ERC2: variants seen among roughly 807,000 people sequenced by gnomAD.
ERC2 encodes ELKS/RAB6-interacting/CAST family member 2.
ERC2 carries 42 observed loss-of-function variants against 114.8 expected under a neutral mutation model. That is an observed-to-expected ratio of 0.37 (90% CI 0.29 to 0.47). ERC2 has a LOEUF of 0.47. ERC2 is among the 20% of genes least tolerant of loss of function. ERC2 has a pLI of 0.99. For synonymous variants in ERC2, 454 were observed against 425.5 expected (o/e 1.07, Z -0.82); for missense variants, 939 against 1,150.7 (o/e 0.82, Z 2.66).
intron 2 of ERC2, among the ~76,000 whole-genome samples, chr3:56,337,725 GC>G (rs2057916349): frequency 6.6e-6 from 1 of 152,130 alleles, no homozygotes; most frequent in Non-Finnish European, 1.5e-5. Flanking sequence ...CCTACCCACT[GC>G]CCCAGTACTT....
At chr3:56,020,992 C>T (rs957462921) in intron 7 of ERC2, among the ~76,000 whole-genome samples, 2 of 152,088 alleles carry the variant, frequency 1.3e-5, no homozygotes, top group South Asian at 2.1e-4. Flanking sequence ...TGGAGACATG[C>T]GATCTGTTTA....
chr3:56,205,667 G>T (rs1323631556), intron 3 of ERC2, among the ~76,000 whole-genome samples: 1 of 152,152 alleles, frequency 6.6e-6, no homozygotes, highest in Non-Finnish European at 1.5e-5. Flanking sequence ...CACAAAACCA[G>T]ATGCAACAGA....
intron 3 of ERC2, among the ~76,000 whole-genome samples, chr3:56,209,636 T>C (rs968133388): frequency 2.0e-5 from 3 of 152,168 alleles, no homozygotes; most frequent in East Asian, 1.9e-4. Context: ...AGGAAGAGCA[T>C]TGGGTCTTGC....
chr3:55,834,143 T>A (rs1393286086), intron 14 of ERC2, among the ~76,000 whole-genome samples: 1 of 151,944 alleles, frequency 6.6e-6, no homozygotes, highest in Non-Finnish European at 1.5e-5. Flanking sequence ...AGACTTAGAC[T>A]CCCACACATT....
intron 5 of ERC2, among the ~76,000 whole-genome samples, chr3:56,140,730 A>G (rs2080807201): frequency 2.0e-5 from 3 of 152,302 alleles, no homozygotes; most frequent in African/African-American, 7.2e-5. Context: ...TTCATCTTCA[A>G]TTTCACTAGA....
chr3:55,638,893 G>T (rs2060062777), intron 17 of ERC2, among the ~76,000 whole-genome samples: 1 of 152,148 alleles, frequency 6.6e-6, no homozygotes, highest in Non-Finnish European at 1.5e-5. Flanking sequence ...TTCACAGAAT[G>T]ACCTCCATCT....
At chr3:56,433,905 A>C (rs113140805) in intron 2 of ERC2, 13 of 168,658 alleles carry the variant, frequency 7.7e-5, no homozygotes, top group African/African-American at 9.6e-5. Flanking sequence ...GTGGGAAATA[A>C]TGGTGCTGGT....
Position 56,434,360 on chromosome 3 carries a change from T to C in ERC2, c.648A>G (p.Glu216=). The C allele has an allele frequency of 4.3e-6, 7 of 1,613,094 alleles. No individual in the cohort carries two copies. Among genetic ancestry groups the C allele is most frequent in the Non-Finnish European group, 5.9e-6 (7 of 1,179,558 alleles). Reference sequence around the variant, plus strand: ...ATGAGTCATGACCTACCTGATTTTCTTCATGGGAAACCCTCATCTGCTCCT... The same window carrying C: ...ATGAGTCATGACCTACCTGATTTTCCTCATGGGAAACCCTCATCTGCTCCT... ...VLKEQMRVSH[E]ENQHLQLTIQ... Residue 216 remains glutamate (E), a synonymous_variant, in exon 2 of 18, where the codon GAA becomes GAG. Coordinates refer to ENST00000288221, the MANE Select transcript of ERC2 (RefSeq NM_015576.3).
In ERC2 at chr3:55,614,789, G is replaced by A. The variant is rs570877753; in HGVS notation, c.*39+69005C>T. Among the ~76,000 whole-genome samples, 209 of 152,244 alleles carry A rather than the reference G, an allele frequency of 1.4e-3. 1 individual carries two copies. The highest frequency in any genetic ancestry group is 4.9e-3 in the African/African-American group (202 of 41,542). ...AGAAAAGACTGAGCGGGGAAAAAACGTTGAGTGACTTACACAAATTCACCC... is the reference window on the plus strand; with the variant it reads ...AGAAAAGACTGAGCGGGGAAAAAACATTGAGTGACTTACACAAATTCACCC... On this transcript the variant is annotated intron_variant, in intron 17 of 17. Coordinates refer to ENST00000288221, the MANE Select transcript of ERC2 (RefSeq NM_015576.3).
intron 2 of ERC2, among the ~76,000 whole-genome samples, chr3:56,342,639 C>T (rs2058132856): frequency 6.6e-6 from 1 of 152,190 alleles, no homozygotes; most frequent in Non-Finnish European, 1.5e-5. Context: ...AGAGGACTAA[C>T]ACTTCAGTAG....
intron 14 of ERC2, among the ~76,000 whole-genome samples, chr3:55,872,381 T>C (rs1249388280): frequency 6.6e-6 from 1 of 152,122 alleles, no homozygotes; most frequent in African/African-American, 2.4e-5. Context: ...AAAAATAGGA[T>C]TTACTAGGGG....
intron 3 of ERC2, among the ~76,000 whole-genome samples, chr3:56,274,353 G>A (rs142636564): frequency 3.9e-5 from 6 of 152,226 alleles, no homozygotes; most frequent in South Asian, 2.1e-4. Context: ...ACAAGTTCCC[G>A]ATGCCAAACA....
intron 13 of ERC2, among the ~76,000 whole-genome samples, chr3:55,909,781 A>G (rs2064692594): frequency 6.6e-6 from 1 of 152,120 alleles, no homozygotes; most frequent in African/African-American, 2.4e-5. Flanking sequence ...TCTGAGATTT[A>G]TTTTTCTACC....
At chr3:55,910,394 CA>C (rs1177638714) in intron 13 of ERC2, among the ~76,000 whole-genome samples, 1 of 148,314 alleles carries the variant, frequency 6.7e-6, no homozygotes, top group South Asian at 2.1e-4. Flanking sequence ...TCTGTCTCAA[CA>C]AAAAAACAAA....
At chr3:56,214,529 A>C (rs1248634880) in intron 3 of ERC2, among the ~76,000 whole-genome samples, 2 of 152,160 alleles carry the variant, frequency 1.3e-5, no homozygotes, top group Non-Finnish European at 2.9e-5. Flanking sequence ...GGTGTACCTG[A>C]AAGTGACGGG....
At chr3:56,185,904 T>C (rs6779216) in intron 3 of ERC2, among the ~76,000 whole-genome samples, 133,815 of 151,714 alleles carry the variant, frequency 0.88, 59,542 homozygotes, top group East Asian at 0.97. Flanking sequence ...TCAGAGAGAT[T>C]CTCAGTGTGA....
intron 7 of ERC2, among the ~76,000 whole-genome samples, chr3:56,036,113 G>A (rs2074782982): frequency 6.6e-6 from 1 of 152,034 alleles, no homozygotes; most frequent in Non-Finnish European, 1.5e-5. Context: ...AAAAATCACA[G>A]GATCATCCCA....
chr3:55,517,468 A>AAAAT (rs1559585517), intron 17 of ERC2, among the ~76,000 whole-genome samples: 2 of 151,908 alleles, frequency 1.3e-5, no homozygotes, highest in African/African-American at 4.8e-5. Flanking sequence ...AAAAAAAAAA[A>AAAAT]AATTATCAAA....
Position 55,920,998 on chromosome 3 carries a change from A to G in ERC2, c.2403+29427T>C, listed in dbSNP as rs80024047. 9.0e-3 allele frequency among the ~76,000 whole-genome samples: 1,370 copies of G among 152,234 alleles called. 20 individuals carry two copies. Among genetic ancestry groups the G allele is most frequent in the African/African-American group, 0.031 (1,289 of 41,548 alleles). Reference sequence around the variant, plus strand: ...TAAGTTTGATGGCAGAGACTGAATCATAACCACTCGGTTCTGGTGGGAATG... The same window carrying G: ...TAAGTTTGATGGCAGAGACTGAATCGTAACCACTCGGTTCTGGTGGGAATG... On this transcript the variant is annotated intron_variant, in intron 13 of 17. Transcript: ENST00000288221.
Sources: allele counts gnomAD v4.1 joint callset (sites outside exome capture counted in the v4.1 genomes callset), GRCh38; gene constraint gnomAD v4.1.1; transcripts MANE v1.5; gene names NCBI Gene and HGNC (gene_info 2026-07-23, HGNC 2026-07-21).